The following TSPAN15 variants were observed in gnomAD, a reference collection of about 807,000 sequenced individuals.
The protein encoded by TSPAN15 is tetraspanin 15, also known as tetraspanin-15.
A neutral mutation model predicts 34.5 loss-of-function variants in TSPAN15; 20 were observed. The observed-to-expected ratio is 0.58, with a 90% CI of 0.41 to 0.84. The LOEUF is 0.84. Ranked by LOEUF, TSPAN15 falls within the 40% of genes least tolerant of loss-of-function variation. The pLI is 0.00. For synonymous variants in TSPAN15, 155 were observed against 153.9 expected (o/e 1.01, Z -0.05); for missense variants, 313 against 386.1 (o/e 0.81, Z 1.59).
intron 1 of TSPAN15, among the ~76,000 whole-genome samples, chr10:69,465,991 C>T (rs936076583): frequency 2.6e-5 from 4 of 152,166 alleles, no homozygotes; most frequent in Admixed American, 2.6e-4. Context: ...GCAGGGGCCA[C>T]AGGCTCCCCT....
the TSPAN15 span, among the ~76,000 whole-genome samples, chr10:69,545,076 T>TG: frequency 2.6e-5 from 4 of 152,150 alleles, no homozygotes; most frequent in African/African-American, 9.7e-5. Flanking sequence ...CTCTCCAAAC[T>TG]GGGGGTCCCG....
chr10:69,515,449 C>G, the TSPAN15 span, among the ~76,000 whole-genome samples: 803 of 152,312 alleles, frequency 5.3e-3, 12 homozygotes, highest in African/African-American at 0.018. Context: ...CGTCCTCCCC[C>G]ACCTTCCCAT....
At chr10:69,460,284 C>T (rs573758623) in intron 1 of TSPAN15, among the ~76,000 whole-genome samples, 16 of 152,176 alleles carry the variant, frequency 1.1e-4, no homozygotes, top group Non-Finnish European at 2.1e-4. Flanking sequence ...AACAGGCACG[C>T]GGGGCCAGGC....
chr10:69,464,568 C>T (rs1841341571), intron 1 of TSPAN15, among the ~76,000 whole-genome samples: 1 of 151,920 alleles, frequency 6.6e-6, no homozygotes, highest in Non-Finnish European at 1.5e-5. Context: ...AAGGACTTGC[C>T]GGCTGTGAAA....
chr10:69,493,317 G>T (rs1842007096), intron 3 of TSPAN15, among the ~76,000 whole-genome samples: 1 of 152,198 alleles, frequency 6.6e-6, no homozygotes, highest in African/African-American at 2.4e-5. Context: ...GGGCTGGTGA[G>T]TTGACAGCTG....
intron 1 of TSPAN15, among the ~76,000 whole-genome samples, chr10:69,475,569 G>C (rs1198279968): frequency 1.3e-5 from 2 of 152,146 alleles, no homozygotes. Flanking sequence ...CTTCATTTGT[G>C]GTTGTTCTGG....
the TSPAN15 span, among the ~76,000 whole-genome samples, chr10:69,517,116 T>C: frequency 6.6e-6 from 1 of 152,112 alleles, no homozygotes; most frequent in Admixed American, 6.5e-5. Flanking sequence ...GCTCAGGGAG[T>C]GGCTGTGCCA....
In TSPAN15 at chr10:69,479,643, C is replaced by G. The variant is rs554814358; in HGVS notation, c.97-4048C>G. ...GAAGGCTATAATTAGCAGAGTGGAG[C>G]GGATGGGATTGCATGCTGGCATTGA... is the stretch of plus-strand genomic sequence containing the variant. On this transcript the variant is annotated intron_variant, in intron 1 of 7. Coordinates refer to ENST00000373290, the MANE Select transcript of TSPAN15 (RefSeq NM_012339.5). 3.3e-5 allele frequency among the ~76,000 whole-genome samples: 5 copies of G among 152,326 alleles called. No homozygotes were observed. The South Asian group carries it at 1.0e-3, about 32-fold the overall frequency.
the TSPAN15 span, among the ~76,000 whole-genome samples, chr10:69,525,950 A>G: frequency 3.0e-4 from 44 of 147,690 alleles, 1 homozygote; most frequent in African/African-American, 1.1e-3. Flanking sequence ...TAGACAAGAC[A>G]CTATAGGGAA....
At chr10:69,455,592 CTTTCT>C (rs1564595566) in intron 1 of TSPAN15, among the ~76,000 whole-genome samples, 5 of 121,076 alleles carry the variant, frequency 4.1e-5, no homozygotes, top group Middle Eastern at 3.9e-3. Flanking sequence ...CTTTCTTTCT[CTTTCT>C]TTCTTTCTTT....
intron 3 of TSPAN15, among the ~76,000 whole-genome samples, chr10:69,491,137 C>T (rs1244733953): frequency 6.6e-6 from 1 of 152,246 alleles, no homozygotes; most frequent in East Asian, 1.9e-4. Context: ...GAGGAAGGGT[C>T]TGGCAGATGC....
At chr10:69,539,555 AG>A in the TSPAN15 span, among the ~76,000 whole-genome samples, 15 of 102,098 alleles carry the variant, frequency 1.5e-4, 2 homozygotes, top group East Asian at 6.6e-4. Context: ...GAGAAGGAGA[AG>A]GAGAAGGAGA....
the TSPAN15 span, among the ~76,000 whole-genome samples, chr10:69,519,353 G>A: frequency 6.6e-6 from 1 of 152,198 alleles, no homozygotes; most frequent in Non-Finnish European, 1.5e-5. Context: ...CCAGGAAGTC[G>A]AGGCTGCAGT....
chr10:69,461,788 C>T (rs1205091335), intron 1 of TSPAN15, among the ~76,000 whole-genome samples: 1 of 152,058 alleles, frequency 6.6e-6, no homozygotes, highest in Non-Finnish European at 1.5e-5. Flanking sequence ...CGAGGCTGCA[C>T]AGGATTCTGA....
chr10:69,546,866 G>A, the TSPAN15 span, among the ~76,000 whole-genome samples: 18 of 152,200 alleles, frequency 1.2e-4, no homozygotes, highest in East Asian at 2.3e-3. Flanking sequence ...CTGTGAGGCC[G>A]GGCACAGTGG....
chr10:69,520,656 A>G, the TSPAN15 span, among the ~76,000 whole-genome samples: 4 of 152,160 alleles, frequency 2.6e-5, no homozygotes, highest in Non-Finnish European at 5.9e-5. Context: ...ACCTTGTCTC[A>G]AAAACAAACA....
At chr10:69,460,877 AG>A (rs1173490959) in intron 1 of TSPAN15, among the ~76,000 whole-genome samples, 1 of 152,072 alleles carries the variant, frequency 6.6e-6, no homozygotes, top group Non-Finnish European at 1.5e-5. Flanking sequence ...TGGGAAGACC[AG>A]GTCTGGAGGC....
chr10:69,509,055 T>C (rs1016432964), downstream of TSPAN15, among the ~76,000 whole-genome samples: 4 of 151,702 alleles, frequency 2.6e-5, no homozygotes, highest in Non-Finnish European at 4.4e-5. Context: ...CTCTGGCTGT[T>C]CTGAGAACCC....
the TSPAN15 span, among the ~76,000 whole-genome samples, chr10:69,537,124 G>A: frequency 0.012 from 1,821 of 152,106 alleles, 34 homozygotes; most frequent in East Asian, 0.037. Context: ...ATATTAATTT[G>A]TTGGGGGTGG....
Sources: gnomAD v4.1 joint callset for allele counts (sites outside exome capture counted in the v4.1 genomes callset) on GRCh38, gnomAD v4.1.1 for gene constraint, MANE v1.5 for transcripts, NCBI Gene and HGNC (gene_info 2026-07-23, HGNC 2026-07-21) for gene names.